The following RPSA2 variants were observed in gnomAD, a reference collection of about 807,000 sequenced individuals.
RPSA2 encodes the protein ribosomal protein SA 2, also known as small ribosomal subunit protein uS2B.
At chr19:23,843,961 G>A in the RPSA2 span, among the ~76,000 whole-genome samples, 1 of 152,058 alleles carries the variant, frequency 6.6e-6, no homozygotes, top group Non-Finnish European at 1.5e-5. Context: ...GTTTCTTCAT[G>A]TTGTCCAGCC....
the RPSA2 span, among the ~76,000 whole-genome samples, chr19:23,760,243 A>C: frequency 1.3e-5 from 2 of 151,528 alleles, no homozygotes; most frequent in Non-Finnish European, 2.9e-5. Context: ...GAGCCCCCTA[A>C]CCCCCTCCAT....
At chr19:23,771,382 T>C in the RPSA2 span, among the ~76,000 whole-genome samples, 1 of 152,234 alleles carries the variant, frequency 6.6e-6, no homozygotes, top group Admixed American at 6.5e-5. Flanking sequence ...GAGGTTTTCA[T>C]ACACAAATCC....
the RPSA2 span, among the ~76,000 whole-genome samples, chr19:23,855,189 C>T: frequency 1.3e-5 from 2 of 152,116 alleles, no homozygotes; most frequent in Non-Finnish European, 2.9e-5. Context: ...TTATCAGAGC[C>T]TGTGAACTGA....
the RPSA2 span, among the ~76,000 whole-genome samples, chr19:23,821,267 G>A: frequency 6.6e-6 from 1 of 152,170 alleles, no homozygotes; most frequent in African/African-American, 2.4e-5. Context: ...TGAAGCATGG[G>A]GGCCATCCCA....
chr19:23,781,408 G>C, the RPSA2 span, among the ~76,000 whole-genome samples: 10 of 152,216 alleles, frequency 6.6e-5, no homozygotes, highest in African/African-American at 2.4e-4. Context: ...GTGTGATCTT[G>C]GCTCACTGCA....
chr19:23,811,089 A>G, the RPSA2 span, among the ~76,000 whole-genome samples: 5 of 146,828 alleles, frequency 3.4e-5, no homozygotes, highest in African/African-American at 1.0e-4. Context: ...CACGATCTTG[A>G]CTCACTGCAA....
chr19:23,832,630 C>T, the RPSA2 span: 1 of 1,430,362 alleles, frequency 7.0e-7, no homozygotes, highest in Non-Finnish European at 9.4e-7. Flanking sequence ...CTGGGAGAGA[C>T]CCTACAAATG....
At chr19:23,771,301 C>T in the RPSA2 span, among the ~76,000 whole-genome samples, 1 of 152,200 alleles carries the variant, frequency 6.6e-6, no homozygotes, top group African/African-American at 2.4e-5. Flanking sequence ...AGGTCAGTGT[C>T]TCTGAGACCA....
At chr19:23,846,000 G>T in the RPSA2 span, among the ~76,000 whole-genome samples, 2 of 152,142 alleles carry the variant, frequency 1.3e-5, no homozygotes, top group African/African-American at 4.8e-5. Flanking sequence ...CTAATGCTGT[G>T]AGTAGAATGC....
At chr19:23,844,702 T>TAATG in the RPSA2 span, among the ~76,000 whole-genome samples, 10 of 151,084 alleles carry the variant, frequency 6.6e-5, no homozygotes, top group Admixed American at 4.6e-4. Context: ...TCCATTTTTT[T>TAATG]ATAATATAAT....
the RPSA2 span, chr19:23,827,482 C>T: frequency 6.2e-5 from 98 of 1,590,860 alleles, 1 homozygote; most frequent in East Asian, 2.1e-3. Context: ...CTCCTGGAAC[C>T]TTCACTAACC....
the RPSA2 span, among the ~76,000 whole-genome samples, chr19:23,762,690 A>AAG: frequency 2.0e-5 from 3 of 151,718 alleles, no homozygotes; most frequent in African/African-American, 7.3e-5. Context: ...AAAAAAAAAA[A>AAG]AAGTCCAAAT....
At chr19:23,835,049 C>A in the RPSA2 span, among the ~76,000 whole-genome samples, 13 of 151,984 alleles carry the variant, frequency 8.6e-5, no homozygotes, top group Non-Finnish European at 1.5e-4. Context: ...AGCATTTATT[C>A]TTTGTATTAC....
At chr19:23,809,740 T>G in the RPSA2 span, among the ~76,000 whole-genome samples, 3 of 316 alleles carry the variant, frequency 9.5e-3, no homozygotes, top group African/African-American at 0.011. Flanking sequence ...CTGTTTATGT[T>G]TTTTTTTTAT....
the RPSA2 span, among the ~76,000 whole-genome samples, chr19:23,784,195 C>T: frequency 2.0e-5 from 3 of 152,222 alleles, no homozygotes; most frequent in Admixed American, 6.5e-5. Flanking sequence ...TCTTTCTGTA[C>T]AAATGTCATA....
chr19:23,784,249 T>C, the RPSA2 span, among the ~76,000 whole-genome samples: 10 of 152,338 alleles, frequency 6.6e-5, no homozygotes, highest in Admixed American at 4.6e-4. Flanking sequence ...TAGTGTGTTA[T>C]AGAGAATGTC....
the RPSA2 span, among the ~76,000 whole-genome samples, chr19:23,784,608 C>T: frequency 6.6e-6 from 1 of 152,180 alleles, no homozygotes; most frequent in Non-Finnish European, 1.5e-5. Flanking sequence ...GTATGAAGCC[C>T]TCAGGTGACA....
the RPSA2 span, among the ~76,000 whole-genome samples, chr19:23,828,558 GTT>G: frequency 0.095 from 8,760 of 92,090 alleles, 539 homozygotes; most frequent in South Asian, 0.19. Context: ...AAATTTTTCA[GTT>G]TTTTTTTTTT....
chr19:23,848,846 C>T, the RPSA2 span, among the ~76,000 whole-genome samples: 1 of 152,148 alleles, frequency 6.6e-6, no homozygotes, highest in African/African-American at 2.4e-5. Flanking sequence ...ACAAAATGAG[C>T]CATTTGAATA....
Sources: gnomAD v4.1 joint callset for allele counts (sites outside exome capture counted in the v4.1 genomes callset) on GRCh38, gnomAD v4.1.1 for gene constraint, MANE v1.5 for transcripts, NCBI Gene and HGNC (gene_info 2026-07-23, HGNC 2026-07-21) for gene names.